Variants in SYNDIG1L observed in about 807,000 individuals in gnomAD.
The protein encoded by SYNDIG1L is synapse differentiation-inducing gene protein 1-like.
SYNDIG1L carries 13 observed loss-of-function variants against 20.1 expected under a neutral mutation model. The observed-to-expected ratio is 0.65, with a 90% CI of 0.42 to 1.03. SYNDIG1L has a LOEUF of 1.03. SYNDIG1L is among the 50% of genes least tolerant of loss of function. SYNDIG1L has a pLI of 0.00. For missense variants in SYNDIG1L, 294 were observed against 305.1 expected, an observed-to-expected ratio of 0.96 and a Z score of 0.27; for synonymous variants, 128 against 129.3, an observed-to-expected ratio of 0.99 and a Z score of 0.07.
At chr14:74,434,075 T>G in the SYNDIG1L span, among the ~76,000 whole-genome samples, 1 of 152,090 alleles carries the variant, frequency 6.6e-6, no homozygotes, top group Non-Finnish European at 1.5e-5. Context: ...ACAACAAGTA[T>G]GCCAAAAAGC....
chr14:74,409,258 T>C, intron 2 of SYNDIG1L, 70 bp downstream of exon 2: 1 of 1,218,442 alleles, frequency 8.2e-7, no homozygotes, highest in South Asian at 1.9e-5. Flanking sequence ...TTCAATTTTT[T>C]TTTTTTGTAG....
chr14:74,432,937 G>A, the SYNDIG1L span, among the ~76,000 whole-genome samples: 7 of 152,120 alleles, frequency 4.6e-5, no homozygotes, highest in African/African-American at 1.7e-4. Context: ...TGTGTTAAGA[G>A]TTTTTAAAAA....
the SYNDIG1L span, among the ~76,000 whole-genome samples, chr14:74,460,836 A>C: frequency 2.6e-5 from 4 of 152,286 alleles, no homozygotes; most frequent in East Asian, 7.7e-4. Flanking sequence ...TTTAATAGAG[A>C]CAGGGTTTCA....
chr14:74,454,423 C>T, the SYNDIG1L span, among the ~76,000 whole-genome samples: 4 of 152,008 alleles, frequency 2.6e-5, no homozygotes, highest in African/African-American at 7.3e-5. Context: ...AGACCCTGGC[C>T]GATGGATGAA....
chr14:74,448,203 G>A, the SYNDIG1L span, among the ~76,000 whole-genome samples: 1 of 152,080 alleles, frequency 6.6e-6, no homozygotes, highest in East Asian at 1.9e-4. Context: ...CTAAAAGGCA[G>A]AGACTGTTAA....
At chr14:74,412,168 G>A (rs2086136405) in intron 1 of SYNDIG1L, among the ~76,000 whole-genome samples, 2 of 152,184 alleles carry the variant, frequency 1.3e-5, no homozygotes, top group Admixed American at 6.5e-5. Flanking sequence ...GTGATGTGGA[G>A]GGCACCTTCC....
Position 74,409,333 on chromosome 14 carries a change from C to T in SYNDIG1L, c.412G>A (p.Glu138Lys), listed in dbSNP as rs746903250. The change falls in exon 2 of 4, where the codon GAG becomes AAG. Residue 138 changes from glutamate (E) to lysine (K), a missense_variant. Glu to Lys is a moderately conservative substitution (Grantham distance 56, BLOSUM62 1). Coordinates refer to ENST00000331628, the MANE Select transcript of SYNDIG1L (RefSeq NM_001105579.2). ...LRDQEDDQEEEESDATSTESE... is the reference protein window; with the variant it reads ...LRDQEDDQEEKESDATSTESE... ...TTTTAACCTCATGCACTCACCTCCTCTTCCTCCTGGTCATCCTCCTGGTCC... is the reference window on the plus strand; with the variant it reads ...TTTTAACCTCATGCACTCACCTCCTTTTCCTCCTGGTCATCCTCCTGGTCC... 4 of 1,551,908 alleles carry T rather than the reference C, an allele frequency of 2.6e-6. No individual in the cohort carries two copies. Among genetic ancestry groups the T allele is most frequent in the East Asian group, 2.3e-5 (1 of 42,750 alleles).
At chr14:74,446,401 C>G in the SYNDIG1L span, among the ~76,000 whole-genome samples, 1 of 151,778 alleles carries the variant, frequency 6.6e-6, no homozygotes, top group Non-Finnish European at 1.5e-5. Flanking sequence ...GTACCAGAAA[C>G]AAATGGAGTG....
the SYNDIG1L span, among the ~76,000 whole-genome samples, chr14:74,457,252 A>G: frequency 6.6e-6 from 1 of 151,512 alleles, no homozygotes; most frequent in Non-Finnish European, 1.5e-5. Context: ...CCTCCCTCAC[A>G]CTGGTCCTTG....
At chr14:74,448,383 A>C in the SYNDIG1L span, among the ~76,000 whole-genome samples, 1 of 152,206 alleles carries the variant, frequency 6.6e-6, no homozygotes, top group Admixed American at 6.5e-5. Flanking sequence ...TTCAGAGCAA[A>C]GAATATTACC....
At chr14:74,457,266 C>A in the SYNDIG1L span, among the ~76,000 whole-genome samples, 1 of 152,114 alleles carries the variant, frequency 6.6e-6, no homozygotes, top group African/African-American at 2.4e-5. Flanking sequence ...GTCCTTGCTC[C>A]CAGGCCTCCT....
At chr14:74,430,279 C>T (rs966740731), upstream of SYNDIG1L, among the ~76,000 whole-genome samples, 1 of 152,148 alleles carries the variant, frequency 6.6e-6, no homozygotes, top group Admixed American at 6.5e-5. Context: ...GTAACCTGCA[C>T]TCTTGGCACT....
chr14:74,429,999 A>G (rs2086291550), upstream of SYNDIG1L, among the ~76,000 whole-genome samples: 3 of 152,122 alleles, frequency 2.0e-5, no homozygotes, highest in South Asian at 6.2e-4. Context: ...GGAAGAAGCC[A>G]TTTCTTTAGA....
In SYNDIG1L at chr14:74,407,541, A is replaced by G. The variant is rs1188603231; in HGVS notation, c.711T>C (p.His237=). The part of the protein sequence containing the change: ...ALAAYMSQNG[H]G ...ATGCAGGCCCTACTGGCTACTAGCCATGACCGTTCTGGGACATGTAAGCTG... is the reference window on the plus strand; with the variant it reads ...ATGCAGGCCCTACTGGCTACTAGCCGTGACCGTTCTGGGACATGTAAGCTG... The change falls in exon 4 of 4, where the codon CAT becomes CAC. Residue 237 remains histidine (H), a synonymous_variant. Transcript: ENST00000331628. 2 of 1,613,794 alleles carry G rather than the reference A, an allele frequency of 1.2e-6. No homozygotes were observed. The highest frequency in any genetic ancestry group is 1.7e-6 in the Non-Finnish European group (2 of 1,179,876).
Position 74,422,385 on chromosome 14 carries a change from G to A in SYNDIG1L, c.-58+3527C>T, listed in dbSNP as rs1487730323. On this transcript the variant is annotated intron_variant, in intron 1 of 3. Coordinates refer to ENST00000331628, the MANE Select transcript of SYNDIG1L (RefSeq NM_001105579.2). The stretch of plus-strand genomic sequence containing the variant: ...CCATATGAGATGCCAGCTGAGTCCC[G>A]GAGAAGGGAAAGGGGTTGGAAAATG... 5.3e-5 allele frequency among the ~76,000 whole-genome samples: 8 copies of A among 152,246 alleles called. 1 individual carries two copies. In the South Asian group the frequency reaches 1.0e-3, roughly 20 times the overall value.
chr14:74,465,575 C>T, the SYNDIG1L span, among the ~76,000 whole-genome samples: 1 of 152,118 alleles, frequency 6.6e-6, no homozygotes, highest in Admixed American at 6.5e-5. Flanking sequence ...CAGAAGTATC[C>T]CAGAGAAAGG....
chr14:74,419,330 G>T (rs570967253), intron 1 of SYNDIG1L, among the ~76,000 whole-genome samples: 6 of 152,140 alleles, frequency 3.9e-5, no homozygotes, highest in Admixed American at 6.5e-5. Flanking sequence ...GGGTGGTAAC[G>T]GTCTGTCTTG....
At chr14:74,427,974 A>G (rs1208734109), upstream of SYNDIG1L, among the ~76,000 whole-genome samples, 1 of 152,260 alleles carries the variant, frequency 6.6e-6, no homozygotes, top group Non-Finnish European at 1.5e-5. Flanking sequence ...TTGAAAGGAT[A>G]ATAAAAAAGC....
chr14:74,455,519 A>T, the SYNDIG1L span, among the ~76,000 whole-genome samples: 33 of 151,280 alleles, frequency 2.2e-4, no homozygotes, highest in African/African-American at 7.8e-4. Flanking sequence ...TCCCGAGTTC[A>T]AGTGATTCTC....
Sources: gnomAD v4.1 joint callset for allele counts (sites outside exome capture counted in the v4.1 genomes callset) on GRCh38, gnomAD v4.1.1 for gene constraint, MANE v1.5 for transcripts, NCBI Gene and HGNC (gene_info 2026-07-23, HGNC 2026-07-21) for gene names.